Variants in KIAA0319 observed in about 807,000 individuals in gnomAD.
KIAA0319 encodes KIAA0319, also known as dyslexia-associated protein KIAA0319.
In KIAA0319, 83 loss-of-function variants were observed where a neutral mutation model predicts 108.4. That is an observed-to-expected ratio of 0.77 (90% CI 0.64 to 0.92). The LOEUF (loss-of-function observed/expected upper bound fraction) is 0.92. Ranked by LOEUF, KIAA0319 falls within the 40% of genes least tolerant of loss-of-function variation. The pLI, the probability that KIAA0319 is intolerant of heterozygous loss-of-function variation, is 0.00. For synonymous variants in KIAA0319, 484 were observed against 510.4 expected, an observed-to-expected ratio of 0.95 and a Z score of 0.70; for missense variants, 1,195 against 1,322.4, an observed-to-expected ratio of 0.90 and a Z score of 1.49.
intron 14 of KIAA0319, among the ~76,000 whole-genome samples, chr6:24,565,323 ATCTGTATC>A (rs1365850230): frequency 6.6e-6 from 1 of 151,882 alleles, no homozygotes; most frequent in Non-Finnish European, 1.5e-5. Flanking sequence ...CCAAGACTAA[ATCTGTATC>A]TCTCCAGTCC....
At chr6:24,583,882 A>G (rs1294913020) in intron 4 of KIAA0319, among the ~76,000 whole-genome samples, 180 bp from the exon 5 acceptor site, 5 of 152,236 alleles carry the variant, frequency 3.3e-5, no homozygotes, top group African/African-American at 4.8e-5. Flanking sequence ...ACTGTACACT[A>G]TATTATAGTA....
intron 1 of KIAA0319, among the ~76,000 whole-genome samples, chr6:24,635,216 C>T (rs957159348): frequency 3.2e-4 from 48 of 151,860 alleles, no homozygotes; most frequent in Admixed American, 3.0e-3. Context: ...CCTCCACCTC[C>T]GCCTCAGCCT....
intron 10 of KIAA0319, among the ~76,000 whole-genome samples, chr6:24,575,749 T>C (rs544030519): frequency 6.6e-6 from 1 of 152,220 alleles, no homozygotes; most frequent in Non-Finnish European, 1.5e-5. Flanking sequence ...CCTATCTTTT[T>C]TTTTTTTCTC....
At chr6:24,551,614 A>G in intron 19 of KIAA0319, 89 bp from the exon 20 acceptor site, 4 of 907,632 alleles carry the variant, frequency 4.4e-6, no homozygotes, top group African/African-American at 1.7e-5. Flanking sequence ...ACTAAAGGAA[A>G]CATTTTGCCT....
chr6:24,598,850 T>G (rs758276336), intron 2 of KIAA0319: 1 of 290,578 alleles, frequency 3.4e-6, no homozygotes, highest in Non-Finnish European at 6.8e-6. Context: ...CACTCCAGCC[T>G]GGGTGACAGA....
chr6:24,634,963 A>G (rs1181747048), intron 1 of KIAA0319, among the ~76,000 whole-genome samples: 2 of 152,230 alleles, frequency 1.3e-5, no homozygotes, highest in African/African-American at 4.8e-5. Context: ...GGAACAGTCA[A>G]TTATGTATTT....
chr6:24,594,638 A>AACAG (rs1462596518), intron 3 of KIAA0319, among the ~76,000 whole-genome samples: 1 of 47,066 alleles, frequency 2.1e-5, no homozygotes, highest in Non-Finnish European at 5.8e-5. Flanking sequence ...CAAAAAAAAA[A>AACAG]CAACAAAAAA....
intron 19 of KIAA0319, 67 bp downstream of exon 19, chr6:24,554,474 A>G: frequency 8.8e-7 from 1 of 1,140,466 alleles, no homozygotes; most frequent in Non-Finnish European, 1.3e-6. Flanking sequence ...CAAGTAAACA[A>G]TTCCTAAGCT....
intron 1 of KIAA0319, among the ~76,000 whole-genome samples, chr6:24,630,710 T>TATATATATATATATACAC (rs373537245): frequency 7.4e-4 from 102 of 138,662 alleles, no homozygotes; most frequent in Middle Eastern, 3.5e-3. Context: ...TATACACATA[T>TATATATATATATATACAC]ACACACAAAC....
intron 20 of KIAA0319, among the ~76,000 whole-genome samples, chr6:24,549,513 T>C (rs1581863367): frequency 1.3e-5 from 2 of 152,050 alleles, no homozygotes; most frequent in East Asian, 3.9e-4. Flanking sequence ...TGGCATTTTG[T>C]TAGAGCAGCC....
chr6:24,608,960 C>T (rs970383631), intron 1 of KIAA0319, among the ~76,000 whole-genome samples: 3 of 80,654 alleles, frequency 3.7e-5, no homozygotes, highest in African/African-American at 9.2e-5. Flanking sequence ...AAAAAAAAGG[C>T]ATGTCAAATC....
chr6:24,613,300 CT>C (rs1018669550), intron 1 of KIAA0319, among the ~76,000 whole-genome samples: 2 of 151,898 alleles, frequency 1.3e-5, no homozygotes, highest in Non-Finnish European at 2.9e-5. Flanking sequence ...GGTGGGCAGA[CT>C]TAGCAAATGA....
intron 9 of KIAA0319, among the ~76,000 whole-genome samples, chr6:24,577,198 C>A (rs2322430): frequency 1.7e-3 from 253 of 152,260 alleles, no homozygotes; most frequent in African/African-American, 5.8e-3. Flanking sequence ...GGTGAAGAAA[C>A]CATCCTCACC....
chr6:24,572,458 A>G, intron 11 of KIAA0319, 117 bp downstream of exon 11: 4 of 1,149,196 alleles, frequency 3.5e-6, no homozygotes, highest in Non-Finnish European at 4.9e-6. Flanking sequence ...TTAGTTTTAT[A>G]TGGAGCTTTG....
chr6:24,639,575 C>T (rs1032250275), intron 1 of KIAA0319, among the ~76,000 whole-genome samples: 11 of 152,080 alleles, frequency 7.2e-5, no homozygotes, highest in Admixed American at 1.3e-4. Flanking sequence ...GCTGGCTGGA[C>T]GCGGTGGCTC....
chr6:24,555,136 C>T (rs1467275260), intron 18 of KIAA0319, among the ~76,000 whole-genome samples: 6 of 152,182 alleles, frequency 3.9e-5, no homozygotes, highest in Non-Finnish European at 1.5e-5. Flanking sequence ...AGAAATCTAA[C>T]GTGAAAAGCT....
At chr6:24,609,273 C>CAAAAAAAAAA (rs886616830) in intron 1 of KIAA0319, among the ~76,000 whole-genome samples, 1 of 74,816 alleles carries the variant, frequency 1.3e-5, no homozygotes, top group African/African-American at 4.6e-5. Context: ...GTCTCAAAAA[C>CAAAAAAAAAA]AAAAAAAAAA....
At chr6:24,619,720 A>T (rs770854114) in intron 1 of KIAA0319, among the ~76,000 whole-genome samples, 2 of 152,158 alleles carry the variant, frequency 1.3e-5, no homozygotes, top group Non-Finnish European at 2.9e-5. Context: ...GAAATGGCCT[A>T]TTTTCAAAAT....
At chr6:24,561,770 A>G (rs1337746067) in intron 16 of KIAA0319, among the ~76,000 whole-genome samples, 1 of 151,716 alleles carries the variant, frequency 6.6e-6, no homozygotes. Context: ...CAGTGGCGCG[A>G]TAGCTCACTG....
Sources: allele counts gnomAD v4.1 joint callset (sites outside exome capture counted in the v4.1 genomes callset), GRCh38; gene constraint gnomAD v4.1.1; transcripts MANE v1.5; gene names NCBI Gene and HGNC (gene_info 2026-07-23, HGNC 2026-07-21).